NUP43: variants seen among roughly 807,000 people sequenced by gnomAD.
The protein encoded by NUP43 is nucleoporin 43, also known as nucleoporin Nup43.
NUP43 carries 32 observed loss-of-function variants against 47.3 expected under a neutral mutation model. The observed-to-expected ratio is 0.68, with a 90% CI of 0.51 to 0.91. NUP43 has a LOEUF of 0.91. Among genes scored for constraint, NUP43 ranks in the 40% least tolerant of loss-of-function variants. The pLI is 0.00. For missense variants in NUP43, 444 were observed against 453.9 expected, an observed-to-expected ratio of 0.98 and a Z score of 0.20; for synonymous variants, 147 against 158.4, an observed-to-expected ratio of 0.93 and a Z score of 0.54.
intron 2 of NUP43, among the ~76,000 whole-genome samples, chr6:149,744,888 T>G: frequency 6.7e-6 from 1 of 148,340 alleles, no homozygotes; most frequent in South Asian, 2.1e-4. Flanking sequence ...TTTTTTATTT[T>G]ATTTATTTAT....
intron 2 of NUP43, among the ~76,000 whole-genome samples, 154 bp from the exon 3 acceptor site, chr6:149,743,869 G>A (rs1396500037): frequency 6.6e-6 from 1 of 152,216 alleles, no homozygotes; most frequent in Non-Finnish European, 1.5e-5. Context: ...TAATGAAGCT[G>A]AAAGGCCAAA....
At position 149,737,509 on chromosome 6, in the gene NUP43, G is replaced by A. The variant is rs74925940; in HGVS notation, c.639-887C>T. On this transcript the variant is annotated intron_variant, in intron 5 of 7. Coordinates refer to ENST00000340413, the MANE Select transcript of NUP43 (RefSeq NM_198887.3). Reference sequence around the variant, plus strand: ...CCTAGCTGGTCTCAAACTTCTCACCGCAGATAATCCTTCCAAAATGTTGGG... The same window carrying A: ...CCTAGCTGGTCTCAAACTTCTCACCACAGATAATCCTTCCAAAATGTTGGG... 3.9e-3 allele frequency among the ~76,000 whole-genome samples: 595 copies of A among 152,118 alleles called. 5 individuals carry two copies. Among genetic ancestry groups the A allele is most frequent in the African/African-American group, 0.014 (573 of 41,494 alleles).
chr6:149,729,357 C>T (rs1383010874), intron 7 of NUP43: 2 of 169,742 alleles, frequency 1.2e-5, no homozygotes, highest in Non-Finnish European at 2.4e-5. Context: ...ACTCCACTTT[C>T]CAGGCTGCTT....
chr6:149,726,879 C>T lies in NUP43; in HGVS notation c.*90G>A, dbSNP rs1016654534. ...TTACTGATGTTTCCCCTGCAAATCT[C>T]GTATTTTCTGATACTAAAATTTTGC... On this transcript the variant is annotated 3_prime_UTR_variant, in exon 8 of 8. Coordinates refer to ENST00000340413, the MANE Select transcript of NUP43 (RefSeq NM_198887.3). 5 of 944,704 alleles carry T rather than the reference C, an allele frequency of 5.3e-6. No homozygotes were observed. The highest frequency in any genetic ancestry group is 2.2e-5 in the Admixed American group (1 of 46,094). 58.5% of individuals were successfully genotyped at this position (944,704 alleles called of 1,614,324 possible). A position where few individuals can be genotyped will look rare whatever the true frequency, so the allele number is the denominator to read the frequency against.
chr6:149,727,212 A>G lies in NUP43; in HGVS notation c.914-14T>C. The G allele has an allele frequency of 6.2e-7, 1 of 1,606,048 alleles. No individual in the cohort carries two copies. Among genetic ancestry groups the G allele is most frequent in the African/African-American group, 1.3e-5 (1 of 74,738 alleles). ...TGCTTCTTCCTCCTGGGAGAAAAAA[A>G]GAAAAGGAAGAAATCTTTCAAGATG... On this transcript the variant is annotated splice_polypyrimidine_tract_variant and intron_variant, in intron 7 of 7. Coordinates refer to ENST00000340413, the MANE Select transcript of NUP43 (RefSeq NM_198887.3).
intron 4 of NUP43, among the ~76,000 whole-genome samples, chr6:149,740,312 T>A (rs1785581124): frequency 7.2e-6 from 1 of 139,404 alleles, no homozygotes; most frequent in African/African-American, 2.7e-5. Context: ...TAATGCAACT[T>A]AACTCAGAAA....
intron 7 of NUP43, 36 bp downstream of exon 7, chr6:149,731,577 A>G (rs1478567490): frequency 1.3e-6 from 2 of 1,562,126 alleles, no homozygotes; most frequent in Non-Finnish European, 1.7e-6. Context: ...AAAAAAAAAA[A>G]AAGTACACAT....
At position 149,724,357 on chromosome 6, in the gene NUP43, TG is replaced by T. The variant is rs35217409; in HGVS notation, c.*2611del. 68,206 of 151,776 alleles carry T rather than the reference TG, an allele frequency of 0.45. 16,729 individuals carry two copies. The highest frequency in any genetic ancestry group is 0.81 in the East Asian group (4,182 of 5,158). The allele number at this position is 151,776 out of a possible 1,614,324, so 9.4% of individuals were successfully genotyped here. Reference sequence around the variant, plus strand: ...AAAATTCATTTATTTAGTGAAACCCTGACATTAAAGCGTCCCAACACAAAGC... The same window carrying T: ...AAAATTCATTTATTTAGTGAAACCCTACATTAAAGCGTCCCAACACAAAGC... On this transcript the variant is annotated 3_prime_UTR_variant, in exon 8 of 8. Transcript: ENST00000340413.
At position 149,745,952 on chromosome 6, in the gene NUP43, T is replaced by C; in HGVS notation, c.231A>G (p.Val77=). The change falls in exon 2 of 8, where the codon GTA becomes GTG. Residue 77 remains valine (V), a synonymous_variant. Transcript: ENST00000340413. ...LLCDIRHHGD[V]MDLQFFDQER... is the part of the protein sequence containing the mutation. ...TACACAGATTTACCTGTAAATCCAT[T>C]ACATCACCATGGTGTCTGATATCAC... The C allele has an allele frequency of 6.2e-7, 1 of 1,611,452 alleles. No homozygotes were observed. Among genetic ancestry groups the C allele is most frequent in the Non-Finnish European group, 8.5e-7 (1 of 1,179,232 alleles).
rs777098027 is a variant in NUP43, at chr6:149,736,621, T to C, written c.640A>G (p.Thr214Ala). ...CAGTGGAGTGGCACTCGGTCACCAG[T>C]CCTTTTGTGGGAGATAACAATGACG... is the stretch of plus-strand genomic sequence containing the variant. ...GNEPSQILSLTGDRVPLHCVD... is the reference protein window; with the variant it reads ...GNEPSQILSLAGDRVPLHCVD... The change falls in exon 6 of 8, where the codon ACT becomes GCT. Residue 214 changes from threonine (T) to alanine (A), a missense_variant and splice_region_variant. Coordinates refer to ENST00000340413, the MANE Select transcript of NUP43 (RefSeq NM_198887.3). The C allele has an allele frequency of 2.5e-6, 4 of 1,577,290 alleles. No homozygotes were observed. The African/African-American group carries it at 5.4e-5, about 21-fold the overall frequency.
At chr6:149,748,122 T>C (rs1582991900), upstream of NUP43, among the ~76,000 whole-genome samples, 2 of 152,256 alleles carry the variant, frequency 1.3e-5, no homozygotes, top group African/African-American at 2.4e-5. Flanking sequence ...AAGACCAGCC[T>C]GGTCAACATG....
intron 7 of NUP43, chr6:149,727,914 T>G: frequency 3.0e-6 from 3 of 985,134 alleles, no homozygotes; most frequent in Non-Finnish European, 3.6e-6. Context: ...TTTAATTCAC[T>G]CAACAAATGA....
chr6:149,729,417 G>C (rs1462040242), intron 7 of NUP43: 1 of 471,790 alleles, frequency 2.1e-6, no homozygotes, highest in East Asian at 1.6e-4. Flanking sequence ...ATTAATGGTG[G>C]GTGACTGGAA....
chr6:149,748,582 G>T (rs1340876639), upstream of NUP43, among the ~76,000 whole-genome samples: 1 of 152,108 alleles, frequency 6.6e-6, no homozygotes, highest in Non-Finnish European at 1.5e-5. Context: ...GGCCGAGGCG[G>T]GCGGATCATA....
At chr6:149,741,017 A>G (rs1194953244) in intron 4 of NUP43, among the ~76,000 whole-genome samples, 1 of 151,932 alleles carries the variant, frequency 6.6e-6, no homozygotes, top group African/African-American at 2.4e-5. Context: ...AAAACTATTA[A>G]TTACTACCTG....
chr6:149,746,534 A>C (rs760507257), upstream of NUP43: 3 of 1,614,058 alleles, frequency 1.9e-6, no homozygotes, highest in Non-Finnish European at 1.7e-6. Flanking sequence ...AAAAGCAAGC[A>C]CAGTACGCGC....
At chr6:149,747,476 C>T (rs866064636), upstream of NUP43, among the ~76,000 whole-genome samples, 19 of 146,232 alleles carry the variant, frequency 1.3e-4, no homozygotes, top group Middle Eastern at 0.024. Flanking sequence ...TTTGGAGAGA[C>T]GGGATTTCAC....
intron 6 of NUP43, among the ~76,000 whole-genome samples, chr6:149,733,831 G>T (rs1286893531): frequency 3.4e-5 from 5 of 145,768 alleles, no homozygotes; most frequent in African/African-American, 1.0e-4. Context: ...GTTTTGTTTT[G>T]TTTTTTTTTT....
intron 6 of NUP43, 139 bp from the exon 7 acceptor site, chr6:149,731,874 G>T: frequency 3.7e-6 from 3 of 814,780 alleles, no homozygotes; most frequent in Non-Finnish European, 5.7e-6. Flanking sequence ...AAAATTAAAG[G>T]CTTCAGAATT....
Sources: gnomAD v4.1 joint callset for allele counts (sites outside exome capture counted in the v4.1 genomes callset) on GRCh38, gnomAD v4.1.1 for gene constraint, MANE v1.5 for transcripts, NCBI Gene and HGNC (gene_info 2026-07-23, HGNC 2026-07-21) for gene names.